The following ST7 variants were observed in gnomAD, a reference collection of about 807,000 sequenced individuals.
ST7 encodes suppression of tumorigenicity 7.
In ST7, 28 loss-of-function variants were observed where a neutral mutation model predicts 78.7. The ratio of observed to expected loss-of-function variants is 0.36; its 90% CI spans 0.26 to 0.49. The LOEUF (loss-of-function observed/expected upper bound fraction) is 0.49, where lower values mean the gene tolerates loss of function less well. Ranked by LOEUF, ST7 falls within the 20% of genes least tolerant of loss-of-function variation. ST7 has a pLI of 0.99. For synonymous variants in ST7, 247 were observed against 249.6 expected (o/e 0.99, Z 0.10); for missense variants, 418 against 696.0 (o/e 0.60, Z 4.49).
chr7:117,030,787 G>A (rs184866904), intron 1 of ST7, among the ~76,000 whole-genome samples: 17 of 152,148 alleles, frequency 1.1e-4, no homozygotes, highest in Middle Eastern at 3.4e-3. Flanking sequence ...GCAACTCCTC[G>A]AAGAACCAAA....
intron 1 of ST7, among the ~76,000 whole-genome samples, chr7:117,057,924 C>T (rs748326529): frequency 5.1e-4 from 78 of 152,104 alleles, no homozygotes; most frequent in Non-Finnish European, 9.7e-4. Flanking sequence ...AGTAATCCTA[C>T]CTGAGTGGGA....
At chr7:116,993,998 G>A (rs952559306) in intron 1 of ST7, among the ~76,000 whole-genome samples, 12 of 152,166 alleles carry the variant, frequency 7.9e-5, no homozygotes, top group Non-Finnish European at 1.6e-4. Context: ...TTAAAATTAT[G>A]CTAAAATATA....
chr7:117,020,134 C>G (rs946700861), intron 1 of ST7: 1 of 154,768 alleles, frequency 6.5e-6, no homozygotes, highest in Admixed American at 6.5e-5. Flanking sequence ...TCTCCTGGAG[C>G]CCCTGGAGCC....
At chr7:117,099,340 C>A (rs938100671) in intron 1 of ST7, among the ~76,000 whole-genome samples, 1 of 152,042 alleles carries the variant, frequency 6.6e-6, no homozygotes, top group South Asian at 2.1e-4. Flanking sequence ...TAGCTATTTT[C>A]AGTTTATTCT....
chr7:117,119,480 A>G, intron 2 of ST7, 81 bp from the exon 3 acceptor site: 2 of 1,319,636 alleles, frequency 1.5e-6, no homozygotes, highest in Non-Finnish European at 2.0e-6. Flanking sequence ...GAATTAGTAA[A>G]TGTAACATGT....
chr7:117,154,262 G>C (rs1328143833), intron 9 of ST7, among the ~76,000 whole-genome samples: 3 of 152,156 alleles, frequency 2.0e-5, no homozygotes, highest in Non-Finnish European at 4.4e-5. Context: ...GCAAGAAGGT[G>C]CTCCTCTGCA....
intron 1 of ST7, among the ~76,000 whole-genome samples, chr7:116,969,988 T>C (rs1170764028): frequency 1.3e-5 from 2 of 152,042 alleles, no homozygotes; most frequent in Non-Finnish European, 2.9e-5. Flanking sequence ...GGCAGGAGAA[T>C]CGTTTGAACC....
chr7:117,004,667 A>T lies in ST7; in HGVS notation c.151+50976A>T, dbSNP rs544558510. The stretch of plus-strand genomic sequence containing the variant: ...CAGAGCAACACCCTGTCTCAAAATA[A>T]ATAAATAAATACATACATACATAAA... On this transcript the variant is annotated intron_variant, in intron 1 of 15. Transcript: ENST00000323984. 2.0e-5 allele frequency among the ~76,000 whole-genome samples: 3 copies of T among 152,264 alleles called. No individual in the cohort carries two copies. In the East Asian group the frequency reaches 5.8e-4, roughly 29 times the overall value.
chr7:117,019,710 A>G (rs895579487), intron 1 of ST7, among the ~76,000 whole-genome samples: 3 of 152,176 alleles, frequency 2.0e-5, no homozygotes, highest in African/African-American at 4.8e-5. Context: ...TAAGATTACT[A>G]TTTTACTGTT....
intron 9 of ST7, among the ~76,000 whole-genome samples, chr7:117,153,395 G>GTGATT (rs1806442188): frequency 6.6e-6 from 1 of 152,158 alleles, no homozygotes. Flanking sequence ...AGCATGGGAG[G>GTGATT]TGATTTAGAT....
chr7:117,188,007 G>A (rs38882), intron 10 of ST7, among the ~76,000 whole-genome samples: 19,144 of 152,112 alleles, frequency 0.13, 2,265 homozygotes, highest in African/African-American at 0.31. Context: ...ATGTGGTGGT[G>A]ACATTTTGCT....
intron 3 of ST7, among the ~76,000 whole-genome samples, chr7:117,124,813 G>T (rs1279954664): frequency 1.3e-5 from 2 of 152,134 alleles, no homozygotes; most frequent in Non-Finnish European, 2.9e-5. Flanking sequence ...GAAATGTCAG[G>T]TCAGAGGACA....
At chr7:117,018,599 T>C (rs371316410) in intron 1 of ST7, among the ~76,000 whole-genome samples, 3 of 152,216 alleles carry the variant, frequency 2.0e-5, no homozygotes, top group Admixed American at 6.5e-5. Flanking sequence ...ATTATCGTAG[T>C]GTGCTTAAGA....
chr7:117,077,580 C>G (rs1043225140), intron 1 of ST7, among the ~76,000 whole-genome samples: 3 of 152,164 alleles, frequency 2.0e-5, no homozygotes, highest in Non-Finnish European at 2.9e-5. Context: ...TCCAGTAACT[C>G]TGCTTTTATG....
intron 1 of ST7, among the ~76,000 whole-genome samples, chr7:116,957,644 A>G (rs4074503): frequency 0.084 from 12,841 of 152,296 alleles, 592 homozygotes; most frequent in East Asian, 0.13. Context: ...CAAGTGAATT[A>G]ATATCATAAA....
Position 117,113,383 on chromosome 7 carries a change from G to A in ST7, c.235-6178G>A, listed in dbSNP as rs565633405. ...TTTTCATTTTAACAGACACACAGAA[G>A]TGGGTCAGGTAGATAAGAAGGAGAG... On this transcript the variant is annotated intron_variant, in intron 2 of 15. Coordinates refer to ENST00000323984, the MANE Select transcript of ST7 (RefSeq NM_001369598.1). Among the ~76,000 whole-genome samples the A allele has an allele frequency of 3.9e-5, 6 of 152,300 alleles. No individual in the cohort carries two copies. In the South Asian group the frequency reaches 1.2e-3, roughly 32 times the overall value.
chr7:117,154,283 AG>A (rs2117175198), intron 9 of ST7, among the ~76,000 whole-genome samples: 1 of 152,282 alleles, frequency 6.6e-6, no homozygotes, highest in Non-Finnish European at 1.5e-5. Context: ...AACCAGGAAG[AG>A]GGCCCTCACC....
intron 1 of ST7, among the ~76,000 whole-genome samples, chr7:117,043,062 C>T (rs1797312705): frequency 6.6e-6 from 1 of 151,982 alleles, no homozygotes; most frequent in Non-Finnish European, 1.5e-5. Context: ...AACAATTCAC[C>T]TTTTTGTTTT....
intron 1 of ST7, chr7:116,954,434 C>T (rs897077689): frequency 2.6e-5 from 4 of 152,324 alleles, no homozygotes; most frequent in Non-Finnish European, 5.9e-5. Context: ...TTTCAGTGAT[C>T]TTTGCTCGTC....
Sources: gnomAD v4.1 joint callset for allele counts (sites outside exome capture counted in the v4.1 genomes callset) on GRCh38, gnomAD v4.1.1 for gene constraint, MANE v1.5 for transcripts, NCBI Gene and HGNC (gene_info 2026-07-23, HGNC 2026-07-21) for gene names.